COX5A: variants seen among roughly 807,000 people sequenced by gnomAD.
The protein encoded by COX5A is cytochrome c oxidase subunit 5A.
Under a neutral mutation model 16.1 loss-of-function variants are expected in COX5A, and 6 were observed. That is an observed-to-expected ratio of 0.37 (90% CI 0.20 to 0.73). The LOEUF is 0.73. COX5A is among the 30% of genes least tolerant of loss of function. The probability of loss-of-function intolerance (pLI) is 0.50; values close to 1 mark genes in which losing one functional copy is unlikely to be tolerated. For missense variants in COX5A, 159 were observed against 194.9 expected, an observed-to-expected ratio of 0.82 and a Z score of 1.10; for synonymous variants, 73 against 73.8, an observed-to-expected ratio of 0.99 and a Z score of 0.06.
At chr15:74,927,377 A>G (rs1226879425) in intron 2 of COX5A, among the ~76,000 whole-genome samples, 1 of 151,954 alleles carries the variant, frequency 6.6e-6, no homozygotes, top group Non-Finnish European at 1.5e-5. Flanking sequence ...GGGTTTCAGC[A>G]TCTTGGCCTG....
chr15:74,922,753 C>CCTCCTGG (rs1461673252), intron 4 of COX5A, among the ~76,000 whole-genome samples: 1 of 151,084 alleles, frequency 6.6e-6, no homozygotes, highest in African/African-American at 2.4e-5. Context: ...GCAACCTCTG[C>CCTCCTGG]CTCCTGGGTT....
chr15:74,922,305 G>C (rs1795994482), intron 4 of COX5A, among the ~76,000 whole-genome samples: 1 of 150,994 alleles, frequency 6.6e-6, no homozygotes, highest in Non-Finnish European at 1.5e-5. Flanking sequence ...GAATCGGCTT[G>C]AACCCGGGAG....
At chr15:74,934,851 C>G (rs528112959) in intron 1 of COX5A, among the ~76,000 whole-genome samples, 92 of 152,110 alleles carry the variant, frequency 6.0e-4, no homozygotes, top group African/African-American at 1.8e-3. Flanking sequence ...TTTACGTAAC[C>G]TGAAAGTCCC....
chr15:74,922,664 CTTTT>C (rs941924508), intron 4 of COX5A, among the ~76,000 whole-genome samples: 1 of 128,430 alleles, frequency 7.8e-6, no homozygotes, highest in Non-Finnish European at 1.7e-5. Flanking sequence ...CAAGTTGAGT[CTTTT>C]TTTTTTTTTT....
At chr15:74,929,722 A>T (rs898868390) in intron 1 of COX5A, among the ~76,000 whole-genome samples, 2 of 152,098 alleles carry the variant, frequency 1.3e-5, no homozygotes, top group African/African-American at 4.8e-5. Flanking sequence ...TAACAATATG[A>T]CAGAACCTGA....
Position 74,920,353 on chromosome 15 carries a change from G to A in COX5A, c.*99C>T. ...CTTGGTACTCAATAAAGGAAAACTT[G>A]TTCAAATAAGGTAATATGTTATCAT... On this transcript the variant is annotated 3_prime_UTR_variant, in exon 5 of 5. Coordinates refer to ENST00000322347, the MANE Select transcript of COX5A (RefSeq NM_004255.4). 1 of 688,098 alleles carries A rather than the reference G, an allele frequency of 1.5e-6. No homozygotes were observed. Among genetic ancestry groups the A allele is most frequent in the Non-Finnish European group, 2.6e-6 (1 of 380,404 alleles). The allele number at this position is 688,098 out of a possible 1,614,324, so 42.6% of individuals were successfully genotyped here. A position where few individuals can be genotyped will look rare whatever the true frequency, so the allele number is the denominator to read the frequency against.
At chr15:74,935,600 A>C (rs2065385635) in intron 1 of COX5A, among the ~76,000 whole-genome samples, 2 of 144,270 alleles carry the variant, frequency 1.4e-5, no homozygotes, top group Non-Finnish European at 1.5e-5. Flanking sequence ...GACTATCACC[A>C]AAAAAAAAAA....
intron 4 of COX5A, among the ~76,000 whole-genome samples, chr15:74,921,407 C>CAAAAAA (rs56979177): frequency 1.9e-4 from 15 of 79,458 alleles, no homozygotes; most frequent in Non-Finnish European, 1.9e-4. Context: ...GACTCCGTCT[C>CAAAAAA]AAAAAAAAAA....
At chr15:74,926,032 ATTTTTTTTTTTT>A (rs755631696) in intron 3 of COX5A, among the ~76,000 whole-genome samples, 2 of 107,664 alleles carry the variant, frequency 1.9e-5, no homozygotes, top group African/African-American at 3.7e-5. Flanking sequence ...TGCCCAGCTA[ATTTTTTTTTTTT>A]TTTTTTTTTT....
At chr15:74,930,074 A>G (rs7174968) in intron 1 of COX5A, among the ~76,000 whole-genome samples, 104,162 of 150,832 alleles carry the variant, frequency 0.69, 36,061 homozygotes, top group East Asian at 0.88. Flanking sequence ...GCAAGACTCC[A>G]ACTCAAAAAA....
intron 4 of COX5A, 85 bp from the exon 5 acceptor site, chr15:74,920,527 C>T: frequency 1.5e-6 from 1 of 657,886 alleles, no homozygotes; most frequent in African/African-American, 1.8e-5. Flanking sequence ...GTGCTACAAC[C>T]AGGGAAATCA....
At chr15:74,921,407 CAAA>C (rs56979177) in intron 4 of COX5A, among the ~76,000 whole-genome samples, 3 of 79,506 alleles carry the variant, frequency 3.8e-5, no homozygotes, top group East Asian at 3.3e-4. Flanking sequence ...GACTCCGTCT[CAAA>C]AAAAAAAAAA....
intron 1 of COX5A, among the ~76,000 whole-genome samples, chr15:74,935,628 T>A (rs4886640): frequency 0.41 from 60,075 of 147,262 alleles, 13,208 homozygotes; most frequent in Non-Finnish European, 0.5. Context: ...AATAAATAAA[T>A]AAAAAATTTT....
chr15:74,935,794 T>C (rs190489854), intron 1 of COX5A, among the ~76,000 whole-genome samples: 79 of 151,156 alleles, frequency 5.2e-4, no homozygotes, highest in African/African-American at 1.8e-3. Context: ...GGTTTCGCCA[T>C]GTTCAGGCTG....
chr15:74,933,881 G>A (rs1476728808), intron 1 of COX5A, among the ~76,000 whole-genome samples: 7 of 152,188 alleles, frequency 4.6e-5, no homozygotes, highest in Non-Finnish European at 7.3e-5. Flanking sequence ...TTTCCTAACT[G>A]TGAATAAGAT....
At chr15:74,923,953 G>A (rs1215359118) in intron 3 of COX5A, among the ~76,000 whole-genome samples, 183 bp from the exon 4 acceptor site, 1 of 152,128 alleles carries the variant, frequency 6.6e-6, no homozygotes, top group Non-Finnish European at 1.5e-5. Flanking sequence ...GCTGAGGCGG[G>A]CGGATCACTT....
rs1432247536 is a variant in COX5A, at chr15:74,920,092, T to C, written c.*360A>G. On this transcript the variant is annotated 3_prime_UTR_variant, in exon 5 of 5. Transcript: ENST00000322347. ...AAGAAAATTCTATATAAATGACTTC[T>C]AGCCTTCAGCTAATTTACAAGCTAG... The C allele has an allele frequency of 7.0e-6, 3 of 426,090 alleles. No homozygotes were observed. The highest frequency in any genetic ancestry group is 3.5e-5 in the South Asian group (1 of 28,856). The allele number at this position is 426,090 out of a possible 1,614,324, so 26.4% of individuals were successfully genotyped here.
At chr15:74,927,567 G>A (rs1256090117) in intron 2 of COX5A, among the ~76,000 whole-genome samples, 7 of 151,882 alleles carry the variant, frequency 4.6e-5, no homozygotes, top group Non-Finnish European at 2.9e-5. Context: ...GAGGTCAGGG[G>A]TTCAAGACCA....
chr15:74,920,291 T>C lies in COX5A; in HGVS notation c.*161A>G. The stretch of plus-strand genomic sequence containing the variant: ...AATACCTAATTTCAGTTCAAACTCA[T>C]TTCCCTTTTATTAAAGTCCAAGTTA... On this transcript the variant is annotated 3_prime_UTR_variant, in exon 5 of 5. Transcript: ENST00000322347. The C allele has an allele frequency of 1.6e-6, 1 of 643,096 alleles. No individual in the cohort carries two copies. The highest frequency in any genetic ancestry group is 2.8e-5 in the East Asian group (1 of 35,378). 39.8% of individuals were successfully genotyped at this position (643,096 alleles called of 1,614,324 possible).
Sources: gnomAD v4.1 joint callset for allele counts (sites outside exome capture counted in the v4.1 genomes callset) on GRCh38, gnomAD v4.1.1 for gene constraint, MANE v1.5 for transcripts, NCBI Gene and HGNC (gene_info 2026-07-23, HGNC 2026-07-21) for gene names.